Variants in TOX observed in about 807,000 individuals in gnomAD.
TOX encodes thymocyte selection-associated high mobility group box protein TOX.
Under a neutral mutation model 53.7 loss-of-function variants are expected in TOX, and 11 were observed. The ratio of observed to expected loss-of-function variants is 0.20; its 90% CI spans 0.13 to 0.34. The LOEUF (loss-of-function observed/expected upper bound fraction) is 0.34. Ranked by LOEUF, TOX falls within the 10% of genes least tolerant of loss-of-function variation. The pLI, the probability that TOX is intolerant of heterozygous loss-of-function variation, is 1.00. For synonymous variants in TOX, 225 were observed against 245.3 expected (o/e 0.92, Z 0.77); for missense variants, 570 against 664.6 (o/e 0.86, Z 1.56).
intron 1 of TOX, among the ~76,000 whole-genome samples, chr8:58,990,383 T>C (rs1299287157): frequency 2.6e-5 from 4 of 151,292 alleles, no homozygotes; most frequent in Non-Finnish European, 2.9e-5. Context: ...GTAAAGCTTC[T>C]TTTTTTGTTT....
intron 3 of TOX, among the ~76,000 whole-genome samples, chr8:58,909,020 T>A (rs1330122836): frequency 6.6e-6 from 1 of 152,222 alleles, no homozygotes; most frequent in Admixed American, 6.5e-5. Flanking sequence ...CTAGTGGGTT[T>A]GGGGATTAGT....
At chr8:59,013,473 C>T (rs1335092651) in intron 1 of TOX, among the ~76,000 whole-genome samples, 2 of 150,710 alleles carry the variant, frequency 1.3e-5, no homozygotes, top group African/African-American at 4.9e-5. Context: ...TGCAGTGGCG[C>T]GATCTCGGCT....
rs1275278112 is a variant in TOX, at chr8:58,851,185, T to TCTCA, written c.693+338_693+339insTGAG. Among the ~76,000 whole-genome samples the TCTCA allele has an allele frequency of 7.3e-4, 103 of 140,838 alleles. No individual in the cohort carries two copies. Among genetic ancestry groups the TCTCA allele is most frequent in the African/African-American group, 2.6e-3 (96 of 36,484 alleles). The allele number at this position is 140,838 out of a possible 152,430, so 92.4% of individuals were successfully genotyped here. On this transcript the variant is annotated intron_variant, in intron 4 of 8. Coordinates refer to ENST00000361421, the MANE Select transcript of TOX (RefSeq NM_014729.3). The surrounding 1 kb of genome is among the most constrained non-coding windows in gnomAD (Gnocchi z 4.4). Reference sequence around the variant, plus strand: ...CTCTCTCTCTCTCTCTCTCTCTCTCTCACACACACACACACACACACACAC... The same window carrying TCTCA: ...CTCTCTCTCTCTCTCTCTCTCTCTCTCTCACACACACACACACACACACACACAC...
At chr8:59,087,768 C>A (rs1247334125) in intron 1 of TOX, among the ~76,000 whole-genome samples, 1 of 152,182 alleles carries the variant, frequency 6.6e-6, no homozygotes, top group Non-Finnish European at 1.5e-5. Context: ...ATGCAAGCTG[C>A]CCCAGCAGAC....
chr8:59,102,606 C>T (rs1405947706), intron 1 of TOX, among the ~76,000 whole-genome samples: 1 of 152,096 alleles, frequency 6.6e-6, no homozygotes, highest in Non-Finnish European at 1.5e-5. Flanking sequence ...AAGACCCACC[C>T]CCATGATTCA....
At chr8:58,928,462 A>G (rs1812200886) in intron 3 of TOX, among the ~76,000 whole-genome samples, 1 of 152,242 alleles carries the variant, frequency 6.6e-6, no homozygotes, top group African/African-American at 2.4e-5. Context: ...AGACAATGGG[A>G]TCAGAGTCCC....
intron 1 of TOX, among the ~76,000 whole-genome samples, chr8:59,018,376 T>A (rs558409476): frequency 1.3e-5 from 2 of 152,196 alleles, no homozygotes; most frequent in African/African-American, 2.4e-5. Flanking sequence ...CCTTTTGCCC[T>A]GGCAGTTGGG....
At chr8:58,881,598 C>T (rs12544720) in intron 3 of TOX, among the ~76,000 whole-genome samples, 31,204 of 151,730 alleles carry the variant, frequency 0.21, 3,543 homozygotes, top group African/African-American at 0.29. Context: ...GTGGCACGTG[C>T]CTGTAGTCCC....
At chr8:59,109,482 TA>T (rs1184368737) in intron 1 of TOX, among the ~76,000 whole-genome samples, 1 of 152,082 alleles carries the variant, frequency 6.6e-6, no homozygotes, top group Non-Finnish European at 1.5e-5. Context: ...TTTAGGTGCT[TA>T]GGGGTGCTGA....
intron 1 of TOX, among the ~76,000 whole-genome samples, chr8:59,023,620 A>G (rs957113052): frequency 3.3e-5 from 5 of 152,166 alleles, no homozygotes; most frequent in African/African-American, 1.2e-4. Flanking sequence ...GGTCACTAAG[A>G]TTTACCTTCT....
At chr8:59,012,679 TTTAA>T (rs1470249362) in intron 1 of TOX, among the ~76,000 whole-genome samples, 3 of 152,242 alleles carry the variant, frequency 2.0e-5, no homozygotes, top group Non-Finnish European at 1.5e-5. Context: ...TAATTTTATC[TTTAA>T]TTAATAAAAT....
At chr8:58,940,909 T>A (rs1012594845) in intron 2 of TOX, among the ~76,000 whole-genome samples, 1 of 152,188 alleles carries the variant, frequency 6.6e-6, no homozygotes, top group Non-Finnish European at 1.5e-5. Flanking sequence ...AAGACAAGAC[T>A]AAATGAAGAG....
In TOX at chr8:58,923,344, T is replaced by C. The variant is rs140890959; in HGVS notation, c.411+15958A>G. Among the ~76,000 whole-genome samples the C allele has an allele frequency of 1.9e-3, 294 of 152,246 alleles. 1 individual carries two copies. The highest frequency in any genetic ancestry group is 6.7e-3 in the African/African-American group (280 of 41,548). On this transcript the variant is annotated intron_variant, in intron 3 of 8. Coordinates refer to ENST00000361421, the MANE Select transcript of TOX (RefSeq NM_014729.3). ...AAAATGTATTTTGGAGGCATTTCTG[T>C]GGAGACTTGCTCAGTTTGGGTAAGA...
chr8:58,928,007 A>C (rs2129175416), intron 3 of TOX, among the ~76,000 whole-genome samples: 1 of 151,940 alleles, frequency 6.6e-6, no homozygotes, highest in East Asian at 1.9e-4. Context: ...TGACTCCAAC[A>C]CTCCCCGGAC....
intron 1 of TOX, among the ~76,000 whole-genome samples, chr8:59,070,874 A>C (rs536317388): frequency 6.6e-6 from 1 of 152,212 alleles, no homozygotes; most frequent in Non-Finnish European, 1.5e-5. Context: ...AGGTGGCTGA[A>C]GCTGTCACAT....
At chr8:58,878,217 A>AG (rs1554526435) in intron 3 of TOX, among the ~76,000 whole-genome samples, 4 of 144,764 alleles carry the variant, frequency 2.8e-5, no homozygotes, top group South Asian at 2.2e-4. Context: ...AAAAAAAAAA[A>AG]AGAGAGAGAA....
chr8:59,114,525 A>G (rs1178906717), intron 1 of TOX, among the ~76,000 whole-genome samples: 1 of 152,204 alleles, frequency 6.6e-6, no homozygotes, highest in Non-Finnish European at 1.5e-5. Context: ...AAAACTTCTG[A>G]AAAGTGCCAG....
At chr8:59,103,878 A>C (rs1804850903) in intron 1 of TOX, among the ~76,000 whole-genome samples, 1 of 152,244 alleles carries the variant, frequency 6.6e-6, no homozygotes, top group Admixed American at 6.5e-5. Context: ...TTAACTCAGC[A>C]GGTGTTCTTC....
At chr8:58,990,273 A>G (rs1378564603) in intron 1 of TOX, among the ~76,000 whole-genome samples, 2 of 152,148 alleles carry the variant, frequency 1.3e-5, no homozygotes, top group Non-Finnish European at 2.9e-5. Flanking sequence ...TCTAGAATCC[A>G]TGCTTTTAAC....
Sources: allele counts gnomAD v4.1 joint callset (sites outside exome capture counted in the v4.1 genomes callset), GRCh38; gene constraint gnomAD v4.1.1; non-coding constraint Gnocchi (gnomAD v3.1); transcripts MANE v1.5; gene names NCBI Gene and HGNC (gene_info 2026-07-23, HGNC 2026-07-21).